The following SFMBT1 variants were observed in gnomAD, a reference collection of about 807,000 sequenced individuals.
SFMBT1 encodes Scm like with four mbt domains 1.
A neutral mutation model predicts 108.7 loss-of-function variants in SFMBT1; 32 were observed. That is an observed-to-expected ratio of 0.29 (90% CI 0.22 to 0.40). The LOEUF (loss-of-function observed/expected upper bound fraction) is 0.40. Among genes scored for constraint, SFMBT1 ranks in the 10% least tolerant of loss-of-function variants. The pLI is 1.00. For synonymous variants in SFMBT1, 348 were observed against 369.5 expected, an observed-to-expected ratio of 0.94 and a Z score of 0.67; for missense variants, 816 against 1,059.6, an observed-to-expected ratio of 0.77 and a Z score of 3.19.
chr3:52,964,563 A>G (rs1376414595), intron 2 of SFMBT1, among the ~76,000 whole-genome samples: 1 of 152,196 alleles, frequency 6.6e-6, no homozygotes, highest in Non-Finnish European at 1.5e-5. Context: ...TATGTCTGTA[A>G]GTAAGGCCTA....
chr3:52,937,564 T>C (rs1703051899), intron 4 of SFMBT1, among the ~76,000 whole-genome samples: 1 of 152,116 alleles, frequency 6.6e-6, no homozygotes, highest in Non-Finnish European at 1.5e-5. Flanking sequence ...TCCCCATAGG[T>C]AACTTTTTTC....
intron 11 of SFMBT1, 40 bp from the exon 12 acceptor site, chr3:52,920,690 CCTTTTTTTAGACCATT>C: frequency 7.6e-7 from 1 of 1,322,574 alleles, no homozygotes; most frequent in Non-Finnish European, 1.1e-6. Context: ...AACAAACAAA[CCTTTTTTTAGACCATT>C]AAATAACCTT....
Position 53,030,683 on chromosome 3 carries a change from CAAAAA to C in SFMBT1, c.-131+15128_-131+15132del, listed in dbSNP as rs10668462. 4.3e-3 allele frequency among the ~76,000 whole-genome samples: 358 copies of C among 82,758 alleles called. 1 individual carries two copies. The highest frequency in any genetic ancestry group is 9.9e-3 in the African/African-American group (254 of 25,548). The allele number at this position is 82,758 out of a possible 152,430, so 54.3% of individuals were successfully genotyped here. On this transcript the variant is annotated intron_variant, in intron 1 of 20. Transcript: ENST00000394752. Reference sequence around the variant, plus strand: ...CAGTAACTTTCAACTGGCCATAATGCAAAAAAAAAAAAAAAAAAAAAAATCTACTT... The same window carrying C: ...CAGTAACTTTCAACTGGCCATAATGCAAAAAAAAAAAAAAAAAATCTACTT...
At position 52,921,801 on chromosome 3, in the gene SFMBT1, T is replaced by C. The variant is rs1702527880; in HGVS notation, c.1162A>G (p.Met388Val). ...LISEHEFKEN[M>V]KLEAVNPILP... ...ATGGGGTTCACCGCCTCGAGCTTCA[T>C]GTTCTCCTTAAATTCATGTTCAGAA... is the stretch of plus-strand genomic sequence containing the variant. Residue 388 changes from methionine to valine, a missense_variant, in exon 11 of 21, where the codon ATG becomes GTG. Physicochemically the swap from Met to Val is conservative, Grantham distance 21. Coordinates refer to ENST00000394752, the MANE Select transcript of SFMBT1 (RefSeq NM_016329.4). 6.2e-7 allele frequency: 1 copy of C among 1,613,916 alleles called. No homozygotes were observed. The highest frequency in any genetic ancestry group is 1.3e-5 in the African/African-American group (1 of 74,950).
chr3:52,919,075 A>G (rs1201411735), intron 12 of SFMBT1, among the ~76,000 whole-genome samples: 2 of 151,852 alleles, frequency 1.3e-5, no homozygotes, highest in Non-Finnish European at 2.9e-5. Flanking sequence ...ACTAATGCTC[A>G]CTCGCCCGCC....
At chr3:52,967,830 C>T (rs996382485) in intron 2 of SFMBT1, among the ~76,000 whole-genome samples, 1 of 152,124 alleles carries the variant, frequency 6.6e-6, no homozygotes, top group Admixed American at 6.5e-5. Context: ...CACCAGATAG[C>T]AGTGAGGATG....
rs1300607075 is a variant in SFMBT1, at chr3:52,943,583, C to T, written c.134G>A (p.Arg45His). 3.7e-6 allele frequency: 6 copies of T among 1,614,138 alleles called. No homozygotes were observed. The highest frequency in any genetic ancestry group is 1.3e-5 in the African/African-American group (1 of 74,954). Residue 45 changes from arginine (R) to histidine (H), a missense_variant, in exon 4 of 21, where the codon CGT becomes CAT. Arg to His is a conservative substitution (Grantham distance 29, BLOSUM62 0). This residue lies in a region of SFMBT1 where 495 missense variants were observed against 607.4 expected (regional missense o/e 0.81). Transcript: ENST00000394752. The part of the protein sequence containing the change: ...PYGSFKHVDT[R>H]LQNGFAPGMK... ...CCCAGGAGCAAATCCATTTTGCAAACGTGTGTCCACCTTAACAGGGAAATG... is the reference window on the plus strand; with the variant it reads ...CCCAGGAGCAAATCCATTTTGCAAATGTGTGTCCACCTTAACAGGGAAATG...
At position 52,957,787 on chromosome 3, in the gene SFMBT1, T is replaced by G. The variant is rs140403552; in HGVS notation, c.29-3376A>C. Among the ~76,000 whole-genome samples, 45 of 152,300 alleles carry G rather than the reference T, an allele frequency of 3.0e-4. No homozygotes were observed. The East Asian group carries it at 8.1e-3, about 27-fold the overall frequency. ...AAAATTGAAACTGGGATTCCTTCCT[T>G]ACACCTAATACAAAAATTAACTCAA... On this transcript the variant is annotated intron_variant, in intron 2 of 20. Coordinates refer to ENST00000394752, the MANE Select transcript of SFMBT1 (RefSeq NM_016329.4).
intron 1 of SFMBT1, among the ~76,000 whole-genome samples, chr3:53,045,529 G>A (rs1700203675): frequency 7.0e-6 from 1 of 143,406 alleles, no homozygotes; most frequent in African/African-American, 2.5e-5. Flanking sequence ...GCTCTCCGCC[G>A]CGGCGAGGCG....
At chr3:52,914,891 G>T (rs1257464448) in intron 14 of SFMBT1, among the ~76,000 whole-genome samples, 2 of 152,178 alleles carry the variant, frequency 1.3e-5, no homozygotes, top group African/African-American at 4.8e-5. Flanking sequence ...GCAGCTTACA[G>T]TTCCCAGTTT....
chr3:52,959,271 G>A (rs1039478914), intron 2 of SFMBT1, among the ~76,000 whole-genome samples: 4 of 152,056 alleles, frequency 2.6e-5, no homozygotes, highest in African/African-American at 7.2e-5. Flanking sequence ...CATGTATCCC[G>A]GAAATTAAAA....
At chr3:52,916,331 A>C in intron 13 of SFMBT1, 117 bp from the exon 14 acceptor site, 1 of 749,306 alleles carries the variant, frequency 1.3e-6, no homozygotes, top group Non-Finnish European at 2.2e-6. Flanking sequence ...CAAAATCTGT[A>C]ACAGAAGGTA....
intron 1 of SFMBT1, among the ~76,000 whole-genome samples, chr3:52,984,726 C>G (rs1704842542): frequency 7.1e-6 from 1 of 140,198 alleles, no homozygotes; most frequent in African/African-American, 2.7e-5. Flanking sequence ...ATACTAAATA[C>G]TGTGTGTGTG....
chr3:52,928,102 G>A (rs904366391), intron 9 of SFMBT1, 89 bp downstream of exon 9: 5 of 1,515,300 alleles, frequency 3.3e-6, no homozygotes, highest in Non-Finnish European at 4.5e-6. Flanking sequence ...CAGGAGGAGA[G>A]GGACAAAAGA....
chr3:52,986,479 T>A (rs1008213371), intron 1 of SFMBT1, among the ~76,000 whole-genome samples: 1 of 152,036 alleles, frequency 6.6e-6, no homozygotes, highest in Non-Finnish European at 1.5e-5. Context: ...ACAAAAATAT[T>A]TTTTTGGTCG....
At position 52,928,647 on chromosome 3, in the gene SFMBT1, T is replaced by C. The variant is rs13062029; in HGVS notation, c.898-306A>G. 7.5e-4 allele frequency among the ~76,000 whole-genome samples: 81 copies of C among 108,030 alleles called. 2 individuals carry two copies. The highest frequency in any genetic ancestry group is 2.4e-3 in the African/African-American group (69 of 29,340). The allele number at this position is 108,030 out of a possible 152,430, so 70.9% of individuals were successfully genotyped here. ...ATATACATATATATACATATATATA[T>C]ATATATACACATATATACATATATA... On this transcript the variant is annotated intron_variant, in intron 8 of 20. Transcript: ENST00000394752.
In SFMBT1 at chr3:52,930,915, C is replaced by G. The variant is rs78856577; in HGVS notation, c.795+26G>C. 7 of 1,592,238 alleles carry G rather than the reference C, an allele frequency of 4.4e-6. No homozygotes were observed. In the South Asian group the frequency reaches 7.7e-5, roughly 18 times the overall value. On this transcript the variant is annotated intron_variant, in intron 7 of 20. Transcript: ENST00000394752. Reference sequence around the variant, plus strand: ...TACTCTACTGTAAGGGGAGCAATACCGGTCTATCACATGTTTTGTTTTTAC... The same window carrying G: ...TACTCTACTGTAAGGGGAGCAATACGGGTCTATCACATGTTTTGTTTTTAC...
In SFMBT1 at chr3:53,003,972, C is replaced by T. The variant is rs549508002; in HGVS notation, c.-130-34714G>A. On this transcript the variant is annotated intron_variant, in intron 1 of 20. Transcript: ENST00000394752. ...TTTCCAATTCCTAACCATTCTTTTC[C>T]TCAACAACCTACTCCTTCAACGAGT... Among the ~76,000 whole-genome samples, 73 of 149,662 alleles carry T rather than the reference C, an allele frequency of 4.9e-4. 3 individuals are homozygous for T. Among genetic ancestry groups the T allele is most frequent in the Non-Finnish European group, 9.3e-4 (62 of 66,792 alleles).
At chr3:53,029,862 T>TA (rs967861359) in intron 1 of SFMBT1, among the ~76,000 whole-genome samples, 3 of 152,092 alleles carry the variant, frequency 2.0e-5, no homozygotes, top group Non-Finnish European at 4.4e-5. Flanking sequence ...CAACTCCTCT[T>TA]ACTCCACTGC....
Sources: gnomAD v4.1 joint callset for allele counts (sites outside exome capture counted in the v4.1 genomes callset) on GRCh38, gnomAD v4.1.1 for gene constraint, gnomAD v4.1.1 regional missense constraint, MANE v1.5 for transcripts, NCBI Gene and HGNC (gene_info 2026-07-23, HGNC 2026-07-21) for gene names.